Variants in UPF3B observed in about 807,000 individuals in gnomAD.
UPF3B encodes the protein UPF3B regulator of nonsense mediated mRNA decay.
Under a neutral mutation model 40.3 loss-of-function variants are expected in UPF3B, and 7 were observed. The ratio of observed to expected loss-of-function variants is 0.17; its 90% CI spans 0.10 to 0.33. The LOEUF is 0.33. Ranked by LOEUF, UPF3B falls within the 10% of genes least tolerant of loss-of-function variation. The pLI is 1.00. For missense variants in UPF3B, 229 were observed against 358.9 expected (o/e 0.64, Z 2.93); for synonymous variants, 117 against 117.3 (o/e 1.00, Z 0.01).
intron 5 of UPF3B, among the ~76,000 whole-genome samples, chrX:119,807,859 A>G (rs984100804): frequency 4.5e-5 from 5 of 111,502 alleles, no homozygotes; most frequent in African/African-American, 1.6e-4. Context: ...AAGTGGCACA[A>G]TTGCAGCTCA....
chrX:119,810,224 A>G (rs1223581782), intron 5 of UPF3B, among the ~76,000 whole-genome samples: 1 of 112,586 alleles, frequency 8.9e-6, no homozygotes, highest in Admixed American at 9.5e-5. Context: ...TGCCAAAACC[A>G]GATCAGCTGC....
At chrX:119,819,792 A>AT (rs1314221734) in intron 4 of UPF3B, among the ~76,000 whole-genome samples, 4 of 82,901 alleles carry the variant, frequency 4.8e-5, no homozygotes, top group Admixed American at 3.9e-4. Context: ...AGAAGTTTAT[A>AT]TTTTTTTCTT....
chrX:119,843,429 C>T (rs2056191066), intron 4 of UPF3B, 128 bp from the exon 5 acceptor site: 1 of 484,445 alleles, frequency 2.1e-6, no homozygotes, highest in Admixed American at 3.6e-5. Context: ...AAAACCAAAC[C>T]ATACCCACAA....
rs1004769451 is a variant in UPF3B at position 119,845,119 on chromosome X, G to A, written c.469+79C>T. ...TATATTTTCTAATTTAAAATTTTGGGGTCGAATTAACTCTCACAAAGATAT... is the reference window on the plus strand; with the variant it reads ...TATATTTTCTAATTTAAAATTTTGGAGTCGAATTAACTCTCACAAAGATAT... On this transcript the variant is annotated intron_variant, in intron 4 of 10. Coordinates refer to ENST00000276201, the MANE Select transcript of UPF3B (RefSeq NM_080632.3). 25 of 793,126 alleles carry A rather than the reference G, an allele frequency of 3.2e-5. No homozygotes were observed. In the African/African-American group the frequency reaches 4.2e-4, roughly 13 times the overall value. The allele number at this position is 793,126 out of a possible 1,213,427, so 65.4% of individuals were successfully genotyped here.
chrX:119,807,450 C>A, intron 6 of UPF3B: 1 of 755,477 alleles, frequency 1.3e-6, no homozygotes, highest in South Asian at 3.4e-5. Context: ...CTTCCTCCTT[C>A]TTTTCTATGG....
chrX:119,837,863 G>A lies in UPF3B; in HGVS notation c.1196C>T (p.Thr399Ile), dbSNP rs774746357. Residue 399 changes from threonine to isoleucine, a missense_variant, in exon 10 of 11, where the codon ACA (threonine) becomes ATA (isoleucine). Physicochemically the swap from Thr to Ile is moderately conservative, Grantham distance 89. Coordinates refer to ENST00000276201, the MANE Select transcript of UPF3B (RefSeq NM_080632.3). ...AGCCTTCTTTCCTTTATCCCGAAGT[G>A]TGTCTTTCTCTTTTTTCATTTCTTC... ...KEEEMKKEKD[T>I]LRDKGKKAES... 2.5e-6 allele frequency: 3 copies of A among 1,210,836 alleles called. No individual in the cohort carries two copies. Among genetic ancestry groups the A allele is most frequent in the South Asian group, 1.8e-5 (1 of 56,799 alleles).
chrX:119,844,385 G>A lies in UPF3B; in HGVS notation c.469+813C>T, dbSNP rs747543397. 7.2e-5 allele frequency among the ~76,000 whole-genome samples: 8 copies of A among 110,820 alleles called. No individual in the cohort carries two copies. In the East Asian group the frequency reaches 1.1e-3, roughly 16 times the overall value. On this transcript the variant is annotated intron_variant, in intron 4 of 10. Transcript: ENST00000276201. ...CTATTCCTGTTCAACCTAATACTATGTGTGTAGCTAATTGTATATCCAAAG... is the reference window on the plus strand; with the variant it reads ...CTATTCCTGTTCAACCTAATACTATATGTGTAGCTAATTGTATATCCAAAG...
At chrX:119,841,687 A>G (rs755070726) in intron 6 of UPF3B, 48 bp downstream of exon 6, 2 of 1,119,369 alleles carry the variant, frequency 1.8e-6, no homozygotes, top group Admixed American at 4.5e-5. Flanking sequence ...TAGAATGCAA[A>G]GCAAAGAAAT....
intron 4 of UPF3B, chrX:119,822,888 A>T: frequency 1.3e-6 from 1 of 743,998 alleles, no homozygotes; most frequent in Non-Finnish European, 1.7e-6. Context: ...GATTACAGGC[A>T]TGAGCCACCA....
intron 5 of UPF3B, among the ~76,000 whole-genome samples, chrX:119,814,968 C>T (rs1428661031): frequency 1.9e-5 from 2 of 103,236 alleles, no homozygotes; most frequent in Non-Finnish European, 3.9e-5. Context: ...TGAGTTCAAG[C>T]GATTCTCCTG....
In UPF3B at chrX:119,838,399, A is replaced by G. The variant is rs771458194; in HGVS notation, c.975T>C (p.Ser325=). Residue 325 remains serine, a synonymous_variant, in exon 9 of 11, where the codon TCT becomes TCC. Transcript: ENST00000276201. ...GTTTTTCATCTTTAAGTTCGCTATC[A>G]GAACGCTTGGGCAATGTACAACTTT... ...SGQSCTLPKR[S]DSELKDEKPK... The G allele has an allele frequency of 8.3e-7, 1 of 1,212,104 alleles. No individual in the cohort carries two copies. The highest frequency in any genetic ancestry group is 1.1e-6 in the Non-Finnish European group (1 of 895,571).
At chrX:119,810,927 CA>C (rs1423780886) in intron 5 of UPF3B, among the ~76,000 whole-genome samples, 1 of 111,185 alleles carries the variant, frequency 9.0e-6, no homozygotes, top group East Asian at 2.8e-4. Flanking sequence ...GAGCAAGAGA[CA>C]AAAATAAATA....
At chrX:119,850,834 G>C (rs2056294678) in intron 3 of UPF3B, among the ~76,000 whole-genome samples, 1 of 112,062 alleles carries the variant, frequency 8.9e-6, no homozygotes, top group Admixed American at 9.4e-5. Context: ...TGCCTCCCAG[G>C]TTCAAGCGAT....
At chrX:119,837,692 C>A (rs2056113295) in intron 10 of UPF3B, 65 bp downstream of exon 10, 1 of 1,115,713 alleles carries the variant, frequency 9.0e-7, no homozygotes, top group Non-Finnish European at 1.2e-6. Context: ...GCCCTTTACA[C>A]TTTCTTTACA....
downstream of UPF3B, among the ~76,000 whole-genome samples, chrX:119,833,673 A>G (rs1047448947): frequency 9.0e-6 from 1 of 111,559 alleles, no homozygotes; most frequent in Non-Finnish European, 1.9e-5. Flanking sequence ...CGCCCAGATA[A>G]TTTTGTATTT....
At chrX:119,813,203 G>T (rs1482329417) in intron 5 of UPF3B, among the ~76,000 whole-genome samples, 2 of 111,608 alleles carry the variant, frequency 1.8e-5, no homozygotes, top group Non-Finnish European at 3.8e-5. Flanking sequence ...TTGTTCTTAT[G>T]GGACAAGAAT....
At chrX:119,814,935 G>A (rs770427354) in intron 5 of UPF3B, among the ~76,000 whole-genome samples, 2 of 98,377 alleles carry the variant, frequency 2.0e-5, no homozygotes, top group African/African-American at 3.8e-5. Context: ...GCAAGATCAC[G>A]GCTTACTGCA....
intron 3 of UPF3B, among the ~76,000 whole-genome samples, chrX:119,825,798 T>C (rs896437827): frequency 4.5e-5 from 5 of 111,918 alleles, no homozygotes; most frequent in Non-Finnish European, 9.4e-5. Context: ...ACGTTAAAGA[T>C]GAAGGCTGCA....
At chrX:119,825,206 C>T (rs1360485303) in intron 3 of UPF3B, among the ~76,000 whole-genome samples, 2 of 111,824 alleles carry the variant, frequency 1.8e-5, no homozygotes, top group African/African-American at 6.5e-5. Flanking sequence ...AGGAAACTTA[C>T]AATCATGGCA....
Sources: gnomAD v4.1 joint callset for allele counts (sites outside exome capture counted in the v4.1 genomes callset) on GRCh38, gnomAD v4.1.1 for gene constraint, MANE v1.5 for transcripts, NCBI Gene and HGNC (gene_info 2026-07-23, HGNC 2026-07-21) for gene names.